The following DPH6 variants were observed in gnomAD, a reference collection of about 807,000 sequenced individuals.
DPH6 encodes diphthamine biosynthesis 6, also known as diphthine--ammonia ligase.
In DPH6, 33 loss-of-function variants were observed where a neutral mutation model predicts 38.2. The ratio of observed to expected loss-of-function variants is 0.86; its 90% confidence interval spans 0.65 to 1.15. The LOEUF is 1.15. Ranked by LOEUF, DPH6 falls within the 50% of genes most tolerant of loss-of-function variation. The pLI is 0.00. For missense variants in DPH6, 325 were observed against 320.0 expected (o/e 1.02, Z -0.12); for synonymous variants, 108 against 103.0 (o/e 1.05, Z -0.30).
intron 6 of DPH6, among the ~76,000 whole-genome samples, chr15:35,392,172 A>G (rs2053069016): frequency 6.6e-6 from 1 of 152,216 alleles, no homozygotes; most frequent in African/African-American, 2.4e-5. Flanking sequence ...AATTCCTAGT[A>G]AATTAAAAAG....
chr15:35,172,137 A>G, the DPH6 span, among the ~76,000 whole-genome samples: 121,285 of 151,944 alleles, frequency 0.8, 48,598 homozygotes, highest in Middle Eastern at 0.9. Flanking sequence ...AAGTGCTGGG[A>G]TTACAGGCAT....
intron 3 of DPH6, among the ~76,000 whole-genome samples, chr15:35,456,221 G>A (rs1033953497): frequency 6.6e-6 from 1 of 151,972 alleles, no homozygotes; most frequent in Non-Finnish European, 1.5e-5. Context: ...ATTAGAAAAA[G>A]TCATGACATA....
At chr15:35,363,700 C>T (rs149598695) in intron 3 of DPH6, among the ~76,000 whole-genome samples, 1,604 of 151,988 alleles carry the variant, frequency 0.011, 13 homozygotes, top group Non-Finnish European at 0.016. Flanking sequence ...TTTTAGCTTA[C>T]TGTTTTGCCT....
At chr15:35,376,114 T>C (rs948804119) in intron 7 of DPH6, among the ~76,000 whole-genome samples, 1 of 152,108 alleles carries the variant, frequency 6.6e-6, no homozygotes, top group African/African-American at 2.4e-5. Context: ...TCATAACACA[T>C]CCACTACATT....
intron 3 of DPH6, among the ~76,000 whole-genome samples, chr15:35,515,722 G>GAAAAA (rs61568573): frequency 9.0e-5 from 7 of 77,936 alleles, no homozygotes; most frequent in African/African-American, 9.9e-5. Context: ...CTCCGTCTCA[G>GAAAAA]AAAAAAAAAA....
chr15:35,269,163 C>T (rs994186062), intron 3 of DPH6, among the ~76,000 whole-genome samples: 17 of 152,154 alleles, frequency 1.1e-4, no homozygotes, highest in Non-Finnish European at 8.8e-5. Flanking sequence ...TGTTGGAAGA[C>T]TATTAGTTCT....
At chr15:35,458,011 T>C (rs746870725) in intron 3 of DPH6, among the ~76,000 whole-genome samples, 11 of 152,212 alleles carry the variant, frequency 7.2e-5, no homozygotes, top group Admixed American at 2.0e-4. Context: ...AGTATTTGCA[T>C]ATAACCAATG....
At chr15:35,342,689 T>G (rs548250195) in intron 3 of DPH6, among the ~76,000 whole-genome samples, 1 of 152,306 alleles carries the variant, frequency 6.6e-6, no homozygotes, top group Admixed American at 6.5e-5. Flanking sequence ...TGTTATTAGA[T>G]GGGTTTTCAT....
chr15:35,254,583 A>T (rs2051694957), intron 3 of DPH6, among the ~76,000 whole-genome samples: 1 of 152,198 alleles, frequency 6.6e-6, no homozygotes, highest in African/African-American at 2.4e-5. Flanking sequence ...TGTGTTTGCA[A>T]CTCAATTTGC....
chr15:35,493,972 GCAGAC>G (rs2054516050), intron 3 of DPH6, among the ~76,000 whole-genome samples: 1 of 151,980 alleles, frequency 6.6e-6, no homozygotes, highest in African/African-American at 2.4e-5. Context: ...GCCTTCCAGA[GCAGAC>G]TCTGGAACCA....
intron 5 of DPH6, 95 bp from the exon 6 acceptor site, chr15:35,410,991 C>T: frequency 9.3e-7 from 1 of 1,078,710 alleles, no homozygotes; most frequent in Non-Finnish European, 1.3e-6. Context: ...CCTAGAAAAG[C>T]AGTGTGTATA....
rs1287028294 is a variant in DPH6 at position 35,432,594 on chromosome 15, C to T, written c.505+18091G>A. Among the ~76,000 whole-genome samples the T allele has an allele frequency of 2.0e-5, 3 of 152,030 alleles. No individual in the cohort carries two copies. The East Asian group carries it at 5.8e-4, about 29-fold the overall frequency. On this transcript the variant is annotated intron_variant, in intron 5 of 8. Coordinates refer to ENST00000256538, the MANE Select transcript of DPH6 (RefSeq NM_080650.4). Reference sequence around the variant, plus strand: ...ACAACAAAAAAATACACACATAAGACAAACAAAGAAGTTTTCAGGCAAATT... The same window carrying T: ...ACAACAAAAAAATACACACATAAGATAAACAAAGAAGTTTTCAGGCAAATT...
At chr15:35,457,965 C>T (rs1206611328) in intron 3 of DPH6, among the ~76,000 whole-genome samples, 3 of 152,134 alleles carry the variant, frequency 2.0e-5, no homozygotes, top group African/African-American at 7.2e-5. Flanking sequence ...AAATCAAAAT[C>T]CACAGATTCT....
chr15:35,434,933 C>A (rs2053677863), intron 5 of DPH6, among the ~76,000 whole-genome samples: 1 of 151,762 alleles, frequency 6.6e-6, no homozygotes, highest in African/African-American at 2.4e-5. Context: ...GCCACCATGC[C>A]CAGCTATTTT....
intron 5 of DPH6, among the ~76,000 whole-genome samples, chr15:35,436,505 A>AAAC (rs761091819): frequency 0.32 from 15,995 of 50,134 alleles, 1,604 homozygotes; most frequent in Middle Eastern, 0.46. Context: ...AAAACAAAAC[A>AAAC]AAACAAAACA....
chr15:35,504,008 G>C (rs1390967472), intron 3 of DPH6, among the ~76,000 whole-genome samples: 1 of 152,012 alleles, frequency 6.6e-6, no homozygotes, highest in Non-Finnish European at 1.5e-5. Flanking sequence ...ATCCAGTCTT[G>C]ATTTAACCCT....
chr15:35,276,837 T>C (rs1057047414), intron 3 of DPH6, among the ~76,000 whole-genome samples: 2 of 152,230 alleles, frequency 1.3e-5, no homozygotes, highest in Non-Finnish European at 2.9e-5. Context: ...TATGGCCTTA[T>C]AGTGTAGTTT....
chr15:35,474,871 T>C (rs1339792423), intron 3 of DPH6, among the ~76,000 whole-genome samples: 1 of 151,964 alleles, frequency 6.6e-6, no homozygotes, highest in Non-Finnish European at 1.5e-5. Context: ...TCGTGCTACC[T>C]GCAAAGTATC....
intron 3 of DPH6, among the ~76,000 whole-genome samples, chr15:35,305,538 C>T (rs928535373): frequency 1.8e-4 from 28 of 152,120 alleles, no homozygotes; most frequent in African/African-American, 6.3e-4. Flanking sequence ...TTGAGATCTA[C>T]CATCTCTTGA....
Sources: allele counts gnomAD v4.1 joint callset (sites outside exome capture counted in the v4.1 genomes callset), GRCh38; gene constraint gnomAD v4.1.1; transcripts MANE v1.5; gene names NCBI Gene and HGNC (gene_info 2026-07-23, HGNC 2026-07-21).